Variants in USP32 observed in about 807,000 individuals in gnomAD.
The protein encoded by USP32 is ubiquitin specific peptidase 32, also known as ubiquitin carboxyl-terminal hydrolase 32.
A neutral mutation model predicts 204.8 loss-of-function variants in USP32; 59 were observed. That is an observed-to-expected ratio of 0.29 (90% confidence interval 0.23 to 0.36). The LOEUF is 0.36. Among genes scored for constraint, USP32 ranks in the 10% least tolerant of loss-of-function variants. USP32 has a pLI of 1.00. For synonymous variants in USP32, 517 were observed against 678.4 expected, an observed-to-expected ratio of 0.76 and a Z score of 3.70; for missense variants, 1,160 against 1,946.4, an observed-to-expected ratio of 0.60 and a Z score of 7.60.
chr17:60,228,169 C>T (rs1342885677), intron 12 of USP32, among the ~76,000 whole-genome samples: 2 of 152,038 alleles, frequency 1.3e-5, no homozygotes, highest in South Asian at 4.1e-4. Context: ...GAACTACAGG[C>T]ACCTGCCACC....
At chr17:60,269,261 A>G (rs2086670617) in intron 7 of USP32, among the ~76,000 whole-genome samples, 189 bp downstream of exon 7, 1 of 152,204 alleles carries the variant, frequency 6.6e-6, no homozygotes, top group Admixed American at 6.5e-5. Flanking sequence ...AAACTATTCC[A>G]TAGTAAAAAA....
intron 16 of USP32, among the ~76,000 whole-genome samples, chr17:60,215,112 T>C (rs376984897): frequency 2.9e-4 from 44 of 150,938 alleles, no homozygotes; most frequent in East Asian, 9.8e-4. Context: ...GTACTACAGG[T>C]GCACGCCACC....
chr17:60,325,881 A>G (rs1001004208), intron 2 of USP32, among the ~76,000 whole-genome samples: 3 of 151,132 alleles, frequency 2.0e-5, no homozygotes, highest in Non-Finnish European at 2.9e-5. Flanking sequence ...GTGAGTTGAG[A>G]TCCCACCATT....
At chr17:60,242,835 T>C (rs1469659792) in intron 11 of USP32, among the ~76,000 whole-genome samples, 4 of 152,202 alleles carry the variant, frequency 2.6e-5, no homozygotes, top group Admixed American at 2.0e-4. Context: ...TTTTTTGTCA[T>C]TTTTTTGAAG....
intron 29 of USP32, among the ~76,000 whole-genome samples, chr17:60,188,508 T>C (rs1320335533): frequency 6.6e-6 from 1 of 152,202 alleles, no homozygotes; most frequent in Non-Finnish European, 1.5e-5. Context: ...TGTTCACATA[T>C]CATAAGCTTG....
At chr17:60,199,476 G>C (rs12051572) in intron 26 of USP32, among the ~76,000 whole-genome samples, 19,703 of 152,098 alleles carry the variant, frequency 0.13, 2,693 homozygotes, top group African/African-American at 0.34. Flanking sequence ...ATAATGGAAT[G>C]GTTGGTGGGA....
At chr17:60,221,386 G>A (rs1436198556) in intron 15 of USP32, among the ~76,000 whole-genome samples, 4 of 152,048 alleles carry the variant, frequency 2.6e-5, no homozygotes, top group Non-Finnish European at 5.9e-5. Context: ...AATTACATTA[G>A]TCTGTTTTAT....
intron 9 of USP32, among the ~76,000 whole-genome samples, chr17:60,263,904 T>C (rs2086517718): frequency 2.6e-5 from 4 of 152,302 alleles, no homozygotes; most frequent in African/African-American, 9.6e-5. Context: ...ATTCTAAACC[T>C]CTATTTAATA....
At chr17:60,377,179 G>A (rs2089561943) in intron 1 of USP32, among the ~76,000 whole-genome samples, 1 of 152,028 alleles carries the variant, frequency 6.6e-6, no homozygotes. Flanking sequence ...AAAAAGTTTG[G>A]GCCAGGCACG....
Position 60,222,485 on chromosome 17 carries a change from T to G in USP32, c.1673A>C (p.Asp558Ala). Residue 558 changes from aspartate to alanine, a missense_variant, in exon 15 of 34, where the codon GAC becomes GCC. Asp to Ala is a moderately radical substitution (Grantham distance 126). Coordinates refer to ENST00000300896, the MANE Select transcript of USP32 (RefSeq NM_032582.4). The part of the protein sequence containing the change: ...KRTPQLIHGR[D>A]YEMVPEPVWR... ...CACAGGTTCTGGGACCATTTCATAG[T>G]CTCTTCCATGAATCAGCTGTGGAGT... The G allele has an allele frequency of 6.2e-7, 1 of 1,614,160 alleles. No individual in the cohort carries two copies.
At chr17:60,291,958 T>C (rs1438577511) in intron 4 of USP32, among the ~76,000 whole-genome samples, 1 of 151,660 alleles carries the variant, frequency 6.6e-6, no homozygotes, top group Admixed American at 6.6e-5. Flanking sequence ...CCATTTCCTC[T>C]TATGAGTACA....
chr17:60,222,619 G>T, intron 14 of USP32, 70 bp from the exon 15 acceptor site: 1 of 1,416,616 alleles, frequency 7.1e-7, no homozygotes, highest in Non-Finnish European at 9.5e-7. Flanking sequence ...GCAATACCTA[G>T]AAACAGGAAA....
At chr17:60,201,075 C>T (rs1218310344) in intron 26 of USP32, among the ~76,000 whole-genome samples, 2 of 152,082 alleles carry the variant, frequency 1.3e-5, no homozygotes, top group Non-Finnish European at 2.9e-5. Context: ...CCAGGCTGGT[C>T]TTAAACTCCT....
At chr17:60,369,319 G>A (rs1260488397) in intron 1 of USP32, among the ~76,000 whole-genome samples, 1 of 151,020 alleles carries the variant, frequency 6.6e-6, no homozygotes, top group Non-Finnish European at 1.5e-5. Context: ...AGCCAGGCAT[G>A]GTGACATCTG....
intron 3 of USP32, 23 bp downstream of exon 3, chr17:60,301,576 T>G (rs1267904210): frequency 1.4e-6 from 2 of 1,438,142 alleles, no homozygotes; most frequent in Non-Finnish European, 1.9e-6. Context: ...ACGAATTATT[T>G]TTGAGATAAT....
At chr17:60,315,546 A>G (rs891713400) in intron 2 of USP32, among the ~76,000 whole-genome samples, 2 of 152,244 alleles carry the variant, frequency 1.3e-5, no homozygotes, top group African/African-American at 2.4e-5. Flanking sequence ...CAAAAAGGTA[A>G]ACATAGAATT....
At chr17:60,383,325 C>T (rs2089678199) in intron 1 of USP32, among the ~76,000 whole-genome samples, 1 of 151,876 alleles carries the variant, frequency 6.6e-6, no homozygotes, top group Non-Finnish European at 1.5e-5. Flanking sequence ...TAGTATAACT[C>T]GATTCCTGTC....
chr17:60,232,719 G>T (rs2085604092), intron 12 of USP32, among the ~76,000 whole-genome samples: 1 of 151,590 alleles, frequency 6.6e-6, no homozygotes, highest in Non-Finnish European at 1.5e-5. Flanking sequence ...GCTAATTTTT[G>T]TATTTTTAGT....
intron 11 of USP32, among the ~76,000 whole-genome samples, chr17:60,240,772 C>T (rs753987585): frequency 6.6e-6 from 1 of 152,152 alleles, no homozygotes; most frequent in African/African-American, 2.4e-5. Flanking sequence ...CAAGGAAACT[C>T]TCAAGTTCCC....
Sources: allele counts gnomAD v4.1 joint callset (sites outside exome capture counted in the v4.1 genomes callset), GRCh38; gene constraint gnomAD v4.1.1; transcripts MANE v1.5; gene names NCBI Gene and HGNC (gene_info 2026-07-23, HGNC 2026-07-21).